The following FLRT1 variants were observed in gnomAD, a reference collection of about 807,000 sequenced individuals.
The protein encoded by FLRT1 is fibronectin leucine rich transmembrane protein 1.
A neutral mutation model predicts 30.9 loss-of-function variants in FLRT1; 14 were observed. That is an observed-to-expected ratio of 0.45 (90% CI 0.30 to 0.71). The LOEUF (loss-of-function observed/expected upper bound fraction) is 0.71. Among genes scored for constraint, FLRT1 ranks in the 30% least tolerant of loss-of-function variants. The probability of loss-of-function intolerance (pLI) is 0.08; values close to 1 mark genes in which losing one functional copy is unlikely to be tolerated. For missense variants in FLRT1, 737 were observed against 949.2 expected (o/e 0.78, Z 2.94); for synonymous variants, 368 against 430.4 (o/e 0.85, Z 1.80).
At chr11:64,051,210 G>A (rs555265604) in intron 1 of FLRT1, among the ~76,000 whole-genome samples, 5 of 152,368 alleles carry the variant, frequency 3.3e-5, no homozygotes, top group Admixed American at 2.0e-4. Flanking sequence ...GGCCAGGGGT[G>A]CCAAGACAGG....
intron 2 of FLRT1, among the ~76,000 whole-genome samples, chr11:64,106,886 TTTTA>T (rs1372157405): frequency 1.3e-5 from 2 of 152,060 alleles, no homozygotes; most frequent in African/African-American, 4.8e-5. Flanking sequence ...ATTTATTTTA[TTTTA>T]TTTTTTTTTG....
intron 2 of FLRT1, among the ~76,000 whole-genome samples, chr11:64,111,477 G>A (rs1445931142): frequency 6.6e-6 from 1 of 152,222 alleles, no homozygotes; most frequent in Non-Finnish European, 1.5e-5. Context: ...AGGACCTCCG[G>A]CTCCATAACC....
chr11:64,063,116 G>C (rs1339894270), intron 1 of FLRT1, among the ~76,000 whole-genome samples: 2 of 152,164 alleles, frequency 1.3e-5, no homozygotes, highest in Non-Finnish European at 2.9e-5. Context: ...GAACAACGCG[G>C]GCAGCAGAGA....
intron 1 of FLRT1, chr11:64,083,142 A>G (rs1263647739): frequency 6.6e-6 from 1 of 152,264 alleles, no homozygotes; most frequent in African/African-American, 2.4e-5. Flanking sequence ...CAGCAGTATA[A>G]TATGTAAATG....
chr11:64,102,348 C>T (rs1944685275), intron 1 of FLRT1, among the ~76,000 whole-genome samples: 1 of 149,448 alleles, frequency 6.7e-6, no homozygotes, highest in African/African-American at 2.4e-5. Context: ...AGGGCGGCTG[C>T]GGGTGTTGAG....
In FLRT1 at chr11:64,036,783, C is replaced by T. The variant is rs972921645; in HGVS notation, c.-1038+624C>T. On this transcript the variant is annotated intron_variant, in intron 1 of 2. Transcript: ENST00000682287. The surrounding 1 kb of genome is among the most constrained non-coding windows in gnomAD (Gnocchi z 5.6). ...CACCTGGCGGCTGGAACGGTGAGAC[C>T]ATGGTGCCTGGGCGGGGGGCGGCGG... Among the ~76,000 whole-genome samples, 4 of 152,168 alleles carry T rather than the reference C, an allele frequency of 2.6e-5. No homozygotes were observed. Among genetic ancestry groups the T allele is most frequent in the Non-Finnish European group, 4.4e-5 (3 of 68,000 alleles).
At chr11:64,089,208 G>T (rs1458111221) in intron 1 of FLRT1, among the ~76,000 whole-genome samples, 1 of 152,180 alleles carries the variant, frequency 6.6e-6, no homozygotes, top group Non-Finnish European at 1.5e-5. Flanking sequence ...CTCTGCTGAG[G>T]GGCTGGCATT....
chr11:64,037,955 T>C (rs1943414179), intron 1 of FLRT1, among the ~76,000 whole-genome samples: 1 of 152,228 alleles, frequency 6.6e-6, no homozygotes, highest in African/African-American at 2.4e-5. Flanking sequence ...GTGGTCCTGC[T>C]CCTGGACTGG....
intron 1 of FLRT1, among the ~76,000 whole-genome samples, chr11:64,057,102 T>G (rs2134426489): frequency 6.6e-6 from 1 of 152,306 alleles, no homozygotes; most frequent in South Asian, 2.1e-4. Context: ...GAAACAGGGC[T>G]TCCTGTGTGT....
At chr11:64,080,637 C>T (rs1007810676) in intron 1 of FLRT1, among the ~76,000 whole-genome samples, 12 of 152,220 alleles carry the variant, frequency 7.9e-5, no homozygotes, top group African/African-American at 1.9e-4. Flanking sequence ...GATACAGTTA[C>T]GTTTATGAGC....
intron 1 of FLRT1, among the ~76,000 whole-genome samples, chr11:64,085,681 C>T (rs1243483099): frequency 6.6e-6 from 1 of 152,170 alleles, no homozygotes; most frequent in African/African-American, 2.4e-5. Flanking sequence ...GTGGGACGGT[C>T]ACCCACAGAC....
intron 1 of FLRT1, among the ~76,000 whole-genome samples, chr11:64,068,192 C>T (rs193071334): frequency 2.6e-5 from 4 of 152,324 alleles, no homozygotes; most frequent in East Asian, 1.9e-4. Flanking sequence ...GTGTTGGCAA[C>T]GGTTCTGCCT....
In FLRT1 at chr11:64,117,814, A is replaced by T; in HGVS notation, c.1547A>T (p.Tyr516Phe). ...CMVTMETSNAYVADETPVCAK... is the reference protein window; with the variant it reads ...CMVTMETSNAFVADETPVCAK... ...GTCACCATGGAGACCAGCAATGCCT[A>T]CGTAGCTGATGAGACACCCGTGTGT... The change falls in exon 3 of 3, where the codon TAC (tyrosine) becomes TTC (phenylalanine). Residue 516 changes from tyrosine to phenylalanine, a missense_variant. Physicochemically the swap from Tyr to Phe is conservative, Grantham distance 22. Coordinates refer to ENST00000682287, the MANE Select transcript of FLRT1 (RefSeq NM_013280.5). 3 of 1,614,166 alleles carry T rather than the reference A, an allele frequency of 1.9e-6. No homozygotes were observed. The highest frequency in any genetic ancestry group is 2.5e-6 in the Non-Finnish European group (3 of 1,180,030).
intron 1 of FLRT1, among the ~76,000 whole-genome samples, chr11:64,051,222 T>C (rs1468065916): frequency 6.6e-6 from 1 of 152,172 alleles, no homozygotes; most frequent in Non-Finnish European, 1.5e-5. Context: ...CAAGACAGGA[T>C]GATGTGGGCA....
rs530699212 is a variant in FLRT1 at position 64,118,112 on chromosome 11, C to G, written c.1845C>G (p.Arg615=). The change falls in exon 3 of 3, where the codon CGC becomes CGG. Residue 615 remains arginine, a synonymous_variant. Transcript: ENST00000682287. ...TKKDNSILEI[R]GPGLQMLPIN... is the part of the protein sequence containing the mutation. Reference sequence around the variant, plus strand: ...AGGATAACTCCATCCTGGAAATCCGCGGCCCTGGGCTGCAGATGCTGCCCA... The same window carrying G: ...AGGATAACTCCATCCTGGAAATCCGGGGCCCTGGGCTGCAGATGCTGCCCA... 6.2e-7 allele frequency: 1 copy of G among 1,611,370 alleles called. No homozygotes were observed. Among genetic ancestry groups the G allele is most frequent in the Non-Finnish European group, 8.5e-7 (1 of 1,178,028 alleles).
At position 64,117,470 on chromosome 11, in the gene FLRT1, T is replaced by A; in HGVS notation, c.1203T>A (p.Ser401=). 6.2e-7 allele frequency: 1 copy of A among 1,612,872 alleles called. No individual in the cohort carries two copies. The highest frequency in any genetic ancestry group is 1.1e-5 in the South Asian group (1 of 91,002). Residue 401 remains serine (S), a synonymous_variant, in exon 3 of 3, where the codon TCT becomes TCA. Transcript: ENST00000682287. The part of the protein sequence containing the change: ...AAKTTASNHA[S]ATTPQGSLFT... The stretch of plus-strand genomic sequence containing the variant: ...AGACCACGGCCAGCAACCACGCCTC[T>A]GCCACCACGCCCCAGGGTTCCCTGT...
intron 1 of FLRT1, among the ~76,000 whole-genome samples, chr11:64,038,812 G>C (rs1943431005): frequency 6.6e-6 from 1 of 152,172 alleles, no homozygotes; most frequent in Admixed American, 6.5e-5. Flanking sequence ...CCATCACAGG[G>C]TCCTAAGGAC....
chr11:64,085,785 C>G (rs1944383262), intron 1 of FLRT1, among the ~76,000 whole-genome samples: 1 of 152,188 alleles, frequency 6.6e-6, no homozygotes. Flanking sequence ...CTTCTCAGGC[C>G]TCAGTTTCCT....
Position 64,114,254 on chromosome 11 carries a change from A to ACGT in FLRT1, c.-49-1965_-49-1964insCGT, listed in dbSNP as rs1201621515. On this transcript the variant is annotated intron_variant, in intron 2 of 2. Transcript: ENST00000682287. ...TGGATGCATGGATGAATGGATGGTT[A>ACGT]GGTGGATGGATGGATGGATGGATGG... Among the ~76,000 whole-genome samples the ACGT allele has an allele frequency of 8.2e-5, 5 of 61,050 alleles. No homozygotes were observed. In the Admixed American group the frequency reaches 8.6e-4, roughly 10 times the overall value. The allele number at this position is 61,050 out of a possible 152,430, so 40.1% of individuals were successfully genotyped here. A position where few individuals can be genotyped will look rare whatever the true frequency, so the allele number is the denominator to read the frequency against.
Sources: gnomAD v4.1 joint callset for allele counts (sites outside exome capture counted in the v4.1 genomes callset) on GRCh38, gnomAD v4.1.1 for gene constraint, Gnocchi (gnomAD v3.1) non-coding constraint, MANE v1.5 for transcripts, NCBI Gene and HGNC (gene_info 2026-07-23, HGNC 2026-07-21) for gene names.